The following ATP2A2 variants were observed in gnomAD, a reference collection of about 807,000 sequenced individuals.
The protein encoded by ATP2A2 is sarcoplasmic/endoplasmic reticulum calcium ATPase 2.
Under a neutral mutation model 109.3 loss-of-function variants are expected in ATP2A2, and 14 were observed. That is an observed-to-expected ratio of 0.13 (90% confidence interval 0.08 to 0.20). The LOEUF is 0.20. Ranked by LOEUF, ATP2A2 falls within the 10% of genes least tolerant of loss-of-function variation. The pLI is 1.00. For missense variants in ATP2A2, 657 were observed against 1,321.6 expected, an observed-to-expected ratio of 0.50 and a Z score of 7.80; for synonymous variants, 506 against 490.9, an observed-to-expected ratio of 1.03 and a Z score of -0.41.
intron 11 of ATP2A2, among the ~76,000 whole-genome samples, chr12:110,335,427 G>A (rs1186283734): frequency 1.3e-5 from 2 of 152,196 alleles, no homozygotes; most frequent in Admixed American, 6.5e-5. Flanking sequence ...ACTTTGGGAA[G>A]CTGAGGCGGG....
rs79155063 is a variant in ATP2A2 at position 110,345,412 on chromosome 12, G to A, written c.2741+30G>A. The A allele has an allele frequency of 1.3e-3, 2,059 of 1,614,026 alleles. 18 individuals are homozygous for A. In the African/African-American group the frequency reaches 0.024, roughly 19 times the overall value. ...GTGCACCTTCACGGCAGGCTGAGGC[G>A]AGCATGGTGACTGCCAGGGCACCGG... On this transcript the variant is annotated intron_variant, in intron 18 of 19. Transcript: ENST00000539276.
intron 5 of ATP2A2, among the ~76,000 whole-genome samples, chr12:110,305,315 A>G (rs1875163073): frequency 6.6e-6 from 1 of 152,318 alleles, no homozygotes; most frequent in South Asian, 2.1e-4. Context: ...AGGTACGAAG[A>G]TGACTTGAGC....
intron 5 of ATP2A2, among the ~76,000 whole-genome samples, chr12:110,311,526 G>A (rs1342661454): frequency 6.8e-6 from 1 of 147,738 alleles, no homozygotes; most frequent in Admixed American, 6.9e-5. Context: ...AACCCAGGGG[G>A]CAGAGGTTGC....
intron 11 of ATP2A2, among the ~76,000 whole-genome samples, chr12:110,338,866 A>G (rs553531483): frequency 2.0e-5 from 3 of 152,212 alleles, no homozygotes; most frequent in Non-Finnish European, 2.9e-5. Context: ...TGTAAACTCT[A>G]TTCCAGCCAC....
chr12:110,333,942 A>C, intron 10 of ATP2A2, 70 bp from the exon 11 acceptor site: 1 of 1,606,256 alleles, frequency 6.2e-7, no homozygotes, highest in Non-Finnish European at 8.5e-7. Flanking sequence ...TGTGGAAAAA[A>C]AATATTAAAG....
chr12:110,345,499 AAGG>A (rs1879761239), intron 18 of ATP2A2, 117 bp downstream of exon 18: 4 of 1,481,900 alleles, frequency 2.7e-6, no homozygotes, highest in Admixed American at 1.8e-5. Context: ...TCCCAAAAGA[AAGG>A]AGAACAGGCA....
Position 110,339,809 on chromosome 12 carries a change from C to T in ATP2A2, c.1761+88C>T, listed in dbSNP as rs1258378495. On this transcript the variant is annotated intron_variant, in intron 13 of 19. Coordinates refer to ENST00000539276, the MANE Select transcript of ATP2A2 (RefSeq NM_170665.4). The surrounding 1 kb of genome is among the most constrained non-coding windows in gnomAD (Gnocchi z 4.4). ...CCTTCAAGCAAAAGGTCAAACAGTT[C>T]TCACTTTTGCCAAGAAAGAGGTGTG... is the stretch of plus-strand genomic sequence containing the variant. 1.4e-6 allele frequency: 2 copies of T among 1,403,130 alleles called. No individual in the cohort carries two copies. The highest frequency in any genetic ancestry group is 2.0e-6 in the Non-Finnish European group (2 of 1,004,780). The allele number at this position is 1,403,130 out of a possible 1,614,324, so 86.9% of individuals were successfully genotyped here.
intron 10 of ATP2A2, among the ~76,000 whole-genome samples, chr12:110,333,760 A>C (rs2137833255): frequency 6.6e-6 from 1 of 152,294 alleles, no homozygotes; most frequent in Admixed American, 6.5e-5. Context: ...TGAAATAATA[A>C]ATACTGTGTT....
chr12:110,281,342 C>G lies in ATP2A2; in HGVS notation c.-448C>G, dbSNP rs1232190044. Reference sequence around the variant, plus strand: ...TGTCGGGCGTGCGGCGCTGAGGGACCCGGGCGAGCGCGCCGCGCACCGCCC... The same window carrying G: ...TGTCGGGCGTGCGGCGCTGAGGGACGCGGGCGAGCGCGCCGCGCACCGCCC... On this transcript the variant is annotated 5_prime_UTR_variant, in exon 1 of 20. Transcript: ENST00000539276. 2 of 151,672 alleles carry G rather than the reference C, an allele frequency of 1.3e-5. No homozygotes were observed. Among genetic ancestry groups the G allele is most frequent in the Non-Finnish European group, 2.9e-5 (2 of 67,904 alleles). The allele number at this position is 151,672 out of a possible 1,614,324, so 9.4% of individuals were successfully genotyped here. A position where few individuals can be genotyped will look rare whatever the true frequency, so the allele number is the denominator to read the frequency against.
Position 110,350,070 on chromosome 12 carries a change from C to T in ATP2A2, c.*3600C>T. 1 of 1,437,356 alleles carries T rather than the reference C, an allele frequency of 7.0e-7. No homozygotes were observed. Among genetic ancestry groups the T allele is most frequent in the Non-Finnish European group, 9.1e-7 (1 of 1,101,032 alleles). The allele number at this position is 1,437,356 out of a possible 1,614,324, so 89.0% of individuals were successfully genotyped here. A position where few individuals can be genotyped will look rare whatever the true frequency, so the allele number is the denominator to read the frequency against. The stretch of plus-strand genomic sequence containing the variant: ...GAGCCTTTATTCTGTAGCCAGACGA[C>T]ACGAGGAGTCTGTGTCACTGAGCCA... On this transcript the variant is annotated 3_prime_UTR_variant, in exon 20 of 20. Transcript: ENST00000539276.
At chr12:110,346,147 G>T in intron 19 of ATP2A2, 29 bp downstream of exon 19, 1 of 1,614,194 alleles carries the variant, frequency 6.2e-7, no homozygotes, top group Non-Finnish European at 8.5e-7. Context: ...CTTGGGACCA[G>T]CCACCTCCTT....
In ATP2A2 at chr12:110,349,460, C is replaced by T. The variant is rs1036382596; in HGVS notation, c.*2990C>T. ...TTTGCCCAGAAGACCAACAATCATACATACCCTAACTGGGACACCACTCTG... is the reference window on the plus strand; with the variant it reads ...TTTGCCCAGAAGACCAACAATCATATATACCCTAACTGGGACACCACTCTG... On this transcript the variant is annotated 3_prime_UTR_variant, in exon 20 of 20. Coordinates refer to ENST00000539276, the MANE Select transcript of ATP2A2 (RefSeq NM_170665.4). 12 of 985,540 alleles carry T rather than the reference C, an allele frequency of 1.2e-5. No homozygotes were observed. The highest frequency in any genetic ancestry group is 1.0e-3 in the Middle Eastern group (2 of 1,916). The allele number at this position is 985,540 out of a possible 1,614,324, so 61.0% of individuals were successfully genotyped here.
intron 5 of ATP2A2, among the ~76,000 whole-genome samples, chr12:110,298,150 T>A (rs1592805610): frequency 6.6e-6 from 1 of 152,200 alleles, no homozygotes; most frequent in East Asian, 1.9e-4. Context: ...GTCTTACTCA[T>A]TTTAATGAAT....
Position 110,336,013 on chromosome 12 carries a change from C to T in ATP2A2, c.1419+1870C>T, listed in dbSNP as rs145561963. Reference sequence around the variant, plus strand: ...CCAGGGTCTGCACAGCCACATGGTCCTCTAATAGGTCCACCAGACCATTTG... The same window carrying T: ...CCAGGGTCTGCACAGCCACATGGTCTTCTAATAGGTCCACCAGACCATTTG... On this transcript the variant is annotated intron_variant, in intron 11 of 19. Coordinates refer to ENST00000539276, the MANE Select transcript of ATP2A2 (RefSeq NM_170665.4). Among the ~76,000 whole-genome samples, 587 of 152,332 alleles carry T rather than the reference C, an allele frequency of 3.9e-3. 6 individuals carry two copies. The highest frequency in any genetic ancestry group is 0.014 in the African/African-American group (572 of 41,564).
intron 6 of ATP2A2, chr12:110,325,849 G>A (rs957931922): frequency 3.8e-5 from 6 of 158,394 alleles, no homozygotes; most frequent in Admixed American, 1.2e-4. Flanking sequence ...TTAACCCGGC[G>A]TGGTATTGGG....
chr12:110,294,644 G>A (rs956830599), intron 4 of ATP2A2, among the ~76,000 whole-genome samples: 11 of 151,820 alleles, frequency 7.2e-5, no homozygotes, highest in Non-Finnish European at 1.2e-4. Context: ...GCTAGACTTC[G>A]TCTCAGAAAA....
chr12:110,294,528 G>T (rs1483468774), intron 4 of ATP2A2, among the ~76,000 whole-genome samples: 4 of 152,036 alleles, frequency 2.6e-5, no homozygotes, highest in Non-Finnish European at 5.9e-5. Flanking sequence ...GGGTATGGTA[G>T]CATGCGCCCC....
intron 8 of ATP2A2, chr12:110,331,015 G>C (rs756006660): frequency 6.6e-6 from 1 of 152,076 alleles, no homozygotes; most frequent in Admixed American, 6.6e-5. Context: ...AGGCCGAGGC[G>C]GGCGGATCAC....
At chr12:110,328,458 A>G (rs571987504) in intron 8 of ATP2A2, among the ~76,000 whole-genome samples, 415 of 152,202 alleles carry the variant, frequency 2.7e-3, no homozygotes, top group African/African-American at 9.3e-3. Flanking sequence ...AGTCCCAGCT[A>G]CTCGAGAGGC....
Sources: allele counts gnomAD v4.1 joint callset (sites outside exome capture counted in the v4.1 genomes callset), GRCh38; gene constraint gnomAD v4.1.1; non-coding constraint Gnocchi (gnomAD v3.1); transcripts MANE v1.5; gene names NCBI Gene and HGNC (gene_info 2026-07-23, HGNC 2026-07-21).